Variants in LRRFIP1 observed in about 807,000 individuals in gnomAD.
LRRFIP1 encodes leucine-rich repeat flightless-interacting protein 1.
LRRFIP1 carries 62 observed loss-of-function variants against 104.4 expected under a neutral mutation model. The observed-to-expected ratio is 0.59, with a 90% CI of 0.48 to 0.73. The LOEUF (loss-of-function observed/expected upper bound fraction) is 0.73. Ranked by LOEUF, LRRFIP1 falls within the 30% of genes least tolerant of loss-of-function variation. The pLI, the probability that LRRFIP1 is intolerant of heterozygous loss-of-function variation, is 0.00. For synonymous variants in LRRFIP1, 300 were observed against 299.0 expected (o/e 1.00, Z -0.03); for missense variants, 796 against 824.5 (o/e 0.97, Z 0.42).
chr2:237,738,667 A>G (rs2095326826), intron 10 of LRRFIP1, among the ~76,000 whole-genome samples: 1 of 152,270 alleles, frequency 6.6e-6, no homozygotes, highest in East Asian at 1.9e-4. Context: ...CCTTTACCAG[A>G]AGTGAGAAAG....
At position 237,711,647 on chromosome 2, in the gene LRRFIP1, G is replaced by T. The variant is rs891871607; in HGVS notation, c.184-2612G>T. On this transcript the variant is annotated intron_variant, in intron 2 of 23. Transcript: ENST00000308482. This position sits in a 1 kb window ranked among gnomAD's most constrained non-coding sequence, Gnocchi z 4.4. ...GGCTGTGGACTCCTGCCTGGGGTTG[G>T]TCACGGACCAGGAGCCAGAGCCACC... Among the ~76,000 whole-genome samples, 3 of 152,244 alleles carry T rather than the reference G, an allele frequency of 2.0e-5. No individual in the cohort carries two copies. Among genetic ancestry groups the T allele is most frequent in the African/African-American group, 4.8e-5 (2 of 41,470 alleles).
At chr2:237,765,400 A>G (rs1576389499) in intron 19 of LRRFIP1, 2 of 783,900 alleles carry the variant, frequency 2.6e-6, no homozygotes, top group South Asian at 5.9e-5. Flanking sequence ...TGCACACTGT[A>G]CTCTAGCCTG....
chr2:237,638,067 T>C (rs12053345), intron 1 of LRRFIP1, among the ~76,000 whole-genome samples: 38,804 of 152,066 alleles, frequency 0.26, 5,252 homozygotes, highest in East Asian at 0.43. Flanking sequence ...GGGATGGTTT[T>C]GAGATGATTC....
intron 1 of LRRFIP1, among the ~76,000 whole-genome samples, chr2:237,652,183 C>T (rs2086049787): frequency 6.6e-6 from 1 of 152,224 alleles, no homozygotes; most frequent in Admixed American, 6.5e-5. Context: ...GAATTAAAAG[C>T]CCCAACTTGC....
At position 237,631,897 on chromosome 2, in the gene LRRFIP1, C is replaced by T. The variant is rs77572209; in HGVS notation, c.96+4157C>T. ...GGTACCCCTTCCTCACCCAGCAGGA[C>T]GGAGGCCCTCCCCCCATAACTGTTT... On this transcript the variant is annotated intron_variant, in intron 1 of 23. Transcript: ENST00000308482. Among the ~76,000 whole-genome samples the T allele has an allele frequency of 4.2e-3, 644 of 152,352 alleles. 6 individuals are homozygous for T. The highest frequency in any genetic ancestry group is 0.038 in the East Asian group (196 of 5,188).
chr2:237,645,517 G>T (rs983711542), intron 1 of LRRFIP1, among the ~76,000 whole-genome samples: 1 of 151,978 alleles, frequency 6.6e-6, no homozygotes, highest in African/African-American at 2.4e-5. Flanking sequence ...GACAAAGGAG[G>T]TGCCAGGGGC....
intron 19 of LRRFIP1, chr2:237,769,198 C>T (rs55663452): frequency 0.25 from 37,782 of 152,184 alleles, 4,938 homozygotes; most frequent in East Asian, 0.45. Flanking sequence ...AGCATTCTGA[C>T]TGTGCCTTTA....
chr2:237,721,689 A>G (rs1198036057), intron 6 of LRRFIP1: 3 of 152,232 alleles, frequency 2.0e-5, no homozygotes, highest in Admixed American at 1.3e-4. Flanking sequence ...CTTCTTATAC[A>G]TGCACTGAGT....
chr2:237,696,906 T>A (rs537818377), intron 1 of LRRFIP1, among the ~76,000 whole-genome samples: 9 of 152,256 alleles, frequency 5.9e-5, no homozygotes, highest in Admixed American at 1.3e-4. Flanking sequence ...AAGCTGCCTC[T>A]TAGGACAGAA....
At chr2:237,686,865 C>G (rs2092406488) in intron 1 of LRRFIP1, among the ~76,000 whole-genome samples, 1 of 152,258 alleles carries the variant, frequency 6.6e-6, no homozygotes, top group Admixed American at 6.5e-5. Flanking sequence ...GGATCCCCTG[C>G]TTGATGCTCC....
chr2:237,704,398 C>T (rs2093702581), intron 1 of LRRFIP1, among the ~76,000 whole-genome samples: 1 of 152,106 alleles, frequency 6.6e-6, no homozygotes, highest in Non-Finnish European at 1.5e-5. Context: ...AGGTGATCCG[C>T]CCACCTCAGT....
chr2:237,632,672 G>T (rs958233236), intron 1 of LRRFIP1, among the ~76,000 whole-genome samples: 1 of 152,198 alleles, frequency 6.6e-6, no homozygotes, highest in African/African-American at 2.4e-5. Context: ...ACCAAGCTGG[G>T]GATGGGGTGC....
At chr2:237,666,041 G>A (rs916667096) in intron 1 of LRRFIP1, among the ~76,000 whole-genome samples, 5 of 152,314 alleles carry the variant, frequency 3.3e-5, no homozygotes, top group Admixed American at 6.5e-5. Context: ...TGGCATGGAC[G>A]GCCCCACCCT....
At chr2:237,768,776 A>G (rs2060395704) in intron 19 of LRRFIP1, 1 of 152,254 alleles carries the variant, frequency 6.6e-6, no homozygotes, top group African/African-American at 2.4e-5. Flanking sequence ...ATGTGGCTAG[A>G]TGATTTTTTA....
At chr2:237,700,957 A>G (rs994752805) in intron 1 of LRRFIP1, among the ~76,000 whole-genome samples, 6 of 152,062 alleles carry the variant, frequency 3.9e-5, no homozygotes, top group Non-Finnish European at 1.5e-5. Context: ...TTCTGTGTAG[A>G]ATTCTGGACC....
intron 1 of LRRFIP1, among the ~76,000 whole-genome samples, chr2:237,677,198 T>C (rs912572800): frequency 5.3e-5 from 8 of 152,134 alleles, no homozygotes; most frequent in Non-Finnish European, 1.2e-4. Flanking sequence ...TGACTCCCCA[T>C]TCTCTTCTCC....
At chr2:237,686,998 G>A (rs1259215412) in intron 1 of LRRFIP1, among the ~76,000 whole-genome samples, 1 of 152,234 alleles carries the variant, frequency 6.6e-6, no homozygotes, top group Non-Finnish European at 1.5e-5. Context: ...AGACAGCTAA[G>A]GGCATTCGTT....
chr2:237,659,234 C>G (rs1216905436), intron 1 of LRRFIP1, among the ~76,000 whole-genome samples: 1 of 152,020 alleles, frequency 6.6e-6, no homozygotes, highest in Non-Finnish European at 1.5e-5. Flanking sequence ...GCTGGTGCTA[C>G]AGGAACACAC....
chr2:237,714,771 A>G (rs920947459), intron 3 of LRRFIP1, among the ~76,000 whole-genome samples: 1 of 152,236 alleles, frequency 6.6e-6, no homozygotes, highest in African/African-American at 2.4e-5. Flanking sequence ...TCATAAAATG[A>G]CGTGCCTCTC....
Sources: allele counts gnomAD v4.1 joint callset (sites outside exome capture counted in the v4.1 genomes callset), GRCh38; gene constraint gnomAD v4.1.1; non-coding constraint Gnocchi (gnomAD v3.1); transcripts MANE v1.5; gene names NCBI Gene and HGNC (gene_info 2026-07-23, HGNC 2026-07-21).